Variants in CACNA2D3 observed in about 807,000 individuals in gnomAD.
CACNA2D3 encodes the protein calcium voltage-gated channel auxiliary subunit alpha2delta 3.
In CACNA2D3, 60 loss-of-function variants were observed where a neutral mutation model predicts 160.6. The ratio of observed to expected loss-of-function variants is 0.37; its 90% CI spans 0.30 to 0.46. The LOEUF (loss-of-function observed/expected upper bound fraction) is 0.46, where lower values mean the gene tolerates loss of function less well. Ranked by LOEUF, CACNA2D3 falls within the 20% of genes least tolerant of loss-of-function variation. CACNA2D3 has a pLI of 1.00. For synonymous variants in CACNA2D3, 558 were observed against 492.9 expected (o/e 1.13, Z -1.75); for missense variants, 1,205 against 1,365.0 (o/e 0.88, Z 1.85).
At chr3:54,928,783 T>A (rs1701103169) in intron 27 of CACNA2D3, among the ~76,000 whole-genome samples, 1 of 151,784 alleles carries the variant, frequency 6.6e-6, no homozygotes, top group African/African-American at 2.4e-5. Context: ...TCTTTCTTCG[T>A]TTCCCTGATG....
At chr3:54,319,518 G>A (rs1158795187) in intron 2 of CACNA2D3, among the ~76,000 whole-genome samples, 1 of 152,136 alleles carries the variant, frequency 6.6e-6, no homozygotes, top group Admixed American at 6.5e-5. Context: ...AAATAAATGT[G>A]ATGGATTCAT....
chr3:54,829,171 G>A (rs1332328337), intron 14 of CACNA2D3, among the ~76,000 whole-genome samples: 1 of 152,212 alleles, frequency 6.6e-6, no homozygotes, highest in African/African-American at 2.4e-5. Context: ...CCAGGCATGA[G>A]ATGCAATAGG....
intron 35 of CACNA2D3, among the ~76,000 whole-genome samples, chr3:55,037,207 C>G (rs58579827): frequency 0.18 from 27,837 of 152,172 alleles, 2,666 homozygotes; most frequent in Admixed American, 0.27. Flanking sequence ...CCAAAAGTTT[C>G]ATTTGCACTC....
In CACNA2D3 at chr3:54,122,753, G is replaced by C. The variant is rs1468343451; in HGVS notation, c.40G>C (p.Ala14Pro). ...PGSPRRASRG[A>P]SALLAAALLY... is the part of the protein sequence containing the mutation. ...CTCGCCGCGCCGCGCGTCCCGGGGG[G>C]CCTCGGCGCTTCTCGCTGCCGCGCT... is the stretch of plus-strand genomic sequence containing the variant. Residue 14 changes from alanine to proline, a missense_variant, in exon 1 of 38, where the codon GCC becomes CCC. Ala to Pro is a conservative substitution (Grantham distance 27, BLOSUM62 -1). Coordinates refer to ENST00000474759, the MANE Select transcript of CACNA2D3 (RefSeq NM_018398.3). The C allele has an allele frequency of 1.3e-5, 16 of 1,221,652 alleles. No homozygotes were observed. The highest frequency in any genetic ancestry group is 1.6e-5 in the Non-Finnish European group (16 of 979,188). The allele number at this position is 1,221,652 out of a possible 1,614,324, so 75.7% of individuals were successfully genotyped here. A position where few individuals can be genotyped will look rare whatever the true frequency, so the allele number is the denominator to read the frequency against.
rs9829075 is a variant in CACNA2D3 at position 54,153,820 on chromosome 3, G to C, written c.204+30226G>C. On this transcript the variant is annotated intron_variant, in intron 2 of 37. Coordinates refer to ENST00000474759, the MANE Select transcript of CACNA2D3 (RefSeq NM_018398.3). ...AATTAATTATATTGCCTATTATTGGGTTGCCACTTGCATTCTAAAAACTTC... is the reference window on the plus strand; with the variant it reads ...AATTAATTATATTGCCTATTATTGGCTTGCCACTTGCATTCTAAAAACTTC... 9.6e-3 allele frequency among the ~76,000 whole-genome samples: 1,467 copies of C among 152,218 alleles called. 25 individuals carry two copies. The highest frequency in any genetic ancestry group is 0.033 in the African/African-American group (1,369 of 41,534).
At chr3:54,313,324 C>T (rs770047497) in intron 2 of CACNA2D3, among the ~76,000 whole-genome samples, 8 of 152,296 alleles carry the variant, frequency 5.3e-5, no homozygotes, top group Admixed American at 2.6e-4. Flanking sequence ...TATGGCCCTT[C>T]CCCATTGCCA....
chr3:54,866,682 A>G (rs1453111681), intron 17 of CACNA2D3, among the ~76,000 whole-genome samples: 1 of 152,212 alleles, frequency 6.6e-6, no homozygotes, highest in Non-Finnish European at 1.5e-5. Flanking sequence ...TTTTATTTAA[A>G]TCAACATGGT....
At chr3:54,841,044 C>G (rs1442219540) in intron 16 of CACNA2D3, among the ~76,000 whole-genome samples, 1 of 152,084 alleles carries the variant, frequency 6.6e-6, no homozygotes, top group East Asian at 1.9e-4. Context: ...ATTTTAACCT[C>G]TGTAACCACA....
intron 17 of CACNA2D3, among the ~76,000 whole-genome samples, chr3:54,869,384 C>T (rs905306889): frequency 2.0e-5 from 3 of 152,164 alleles, no homozygotes; most frequent in African/African-American, 7.2e-5. Context: ...AAGGATAAAC[C>T]ACAAGTAAGT....
At chr3:54,964,870 A>G (rs1433692788) in intron 27 of CACNA2D3, among the ~76,000 whole-genome samples, 1 of 151,932 alleles carries the variant, frequency 6.6e-6, no homozygotes, top group Non-Finnish European at 1.5e-5. Context: ...TTCACGCTCA[A>G]GAAATAATGA....
chr3:54,138,268 A>G (rs1699855324), intron 2 of CACNA2D3, among the ~76,000 whole-genome samples: 1 of 152,212 alleles, frequency 6.6e-6, no homozygotes. Flanking sequence ...TCCAAGTGTT[A>G]GCACTGGGCT....
At chr3:54,350,974 T>TTTTTG (rs1698545437) in intron 3 of CACNA2D3, among the ~76,000 whole-genome samples, 1 of 45,002 alleles carries the variant, frequency 2.2e-5, no homozygotes, top group Non-Finnish European at 4.8e-5. Flanking sequence ...GTCTGTTTTT[T>TTTTTG]TTTTTTTGTT....
At chr3:54,918,651 C>G in intron 27 of CACNA2D3, 1 of 1,614,180 alleles carries the variant, frequency 6.2e-7, no homozygotes, top group Non-Finnish European at 8.5e-7. Flanking sequence ...TGGCATGACG[C>G]AGGTTGGCCG....
At chr3:54,208,571 G>A (rs1701314119) in intron 2 of CACNA2D3, among the ~76,000 whole-genome samples, 2 of 152,138 alleles carry the variant, frequency 1.3e-5, no homozygotes, top group Non-Finnish European at 2.9e-5. Flanking sequence ...GACTAGGGAG[G>A]CCTAGTCCCT....
At chr3:54,313,870 C>T (rs1390277036) in intron 2 of CACNA2D3, among the ~76,000 whole-genome samples, 1 of 151,562 alleles carries the variant, frequency 6.6e-6, no homozygotes, top group Non-Finnish European at 1.5e-5. Context: ...AATATCCTGG[C>T]AAAGAAAGCA....
chr3:54,218,996 T>C (rs111451315), intron 2 of CACNA2D3, among the ~76,000 whole-genome samples: 1,661 of 152,312 alleles, frequency 0.011, 26 homozygotes, highest in African/African-American at 0.037. Context: ...TCATGTAATA[T>C]TACTTACATA....
chr3:54,192,219 G>A (rs550172042), intron 2 of CACNA2D3, among the ~76,000 whole-genome samples: 21 of 152,168 alleles, frequency 1.4e-4, no homozygotes, highest in Admixed American at 7.2e-4. Flanking sequence ...ACTGCTTGGG[G>A]GTGGAGGAGA....
In CACNA2D3 at chr3:55,049,311, C is replaced by T. The variant is rs563864826; in HGVS notation, c.2988-24134C>T. Among the ~76,000 whole-genome samples, 11 of 146,172 alleles carry T rather than the reference C, an allele frequency of 7.5e-5. 1 individual carries two copies. In the South Asian group the frequency reaches 2.5e-3, roughly 33 times the overall value. ...GATTCTGGTATGTCGTGTCTTTGTTCTCGTTGGTTTCAAAGAACATCTTTA... is the reference window on the plus strand; with the variant it reads ...GATTCTGGTATGTCGTGTCTTTGTTTTCGTTGGTTTCAAAGAACATCTTTA... On this transcript the variant is annotated intron_variant, in intron 35 of 37. Coordinates refer to ENST00000474759, the MANE Select transcript of CACNA2D3 (RefSeq NM_018398.3).
intron 2 of CACNA2D3, among the ~76,000 whole-genome samples, chr3:54,207,376 G>T (rs1452453378): frequency 1.3e-5 from 2 of 150,776 alleles, no homozygotes; most frequent in African/African-American, 4.9e-5. Context: ...GCTTGCCCGT[G>T]ACCTGGAACC....
Sources: gnomAD v4.1 joint callset for allele counts (sites outside exome capture counted in the v4.1 genomes callset) on GRCh38, gnomAD v4.1.1 for gene constraint, MANE v1.5 for transcripts, NCBI Gene and HGNC (gene_info 2026-07-23, HGNC 2026-07-21) for gene names.